PCDH15: variants seen among roughly 807,000 people sequenced by gnomAD.
The protein encoded by PCDH15 is protocadherin related 15, also known as protocadherin-15.
In PCDH15, 129 loss-of-function variants were observed where a neutral mutation model predicts 178.5. That is an observed-to-expected ratio of 0.72 (90% confidence interval 0.63 to 0.84). The LOEUF is 0.84. Ranked by LOEUF, PCDH15 falls within the 40% of genes least tolerant of loss-of-function variation. The pLI, the probability that PCDH15 is intolerant of heterozygous loss-of-function variation, is 0.00. For missense variants in PCDH15, 2,230 were observed against 2,099.9 expected (o/e 1.06, Z -1.21); for synonymous variants, 800 against 732.0 (o/e 1.09, Z -1.50).
chr10:54,339,366 A>C (rs1227214071), intron 6 of PCDH15, among the ~76,000 whole-genome samples: 6 of 130,284 alleles, frequency 4.6e-5, no homozygotes, highest in South Asian at 2.5e-4. Flanking sequence ...CATTAAACAA[A>C]AAAAAAAATC....
intron 25 of PCDH15, among the ~76,000 whole-genome samples, chr10:53,935,661 A>C (rs2085505493): frequency 6.6e-6 from 1 of 152,198 alleles, no homozygotes; most frequent in African/African-American, 2.4e-5. Context: ...TGACCCAGAA[A>C]ACTAAACATA....
At chr10:54,241,093 T>C (rs944015781) in intron 8 of PCDH15, among the ~76,000 whole-genome samples, 2 of 152,222 alleles carry the variant, frequency 1.3e-5, no homozygotes, top group Admixed American at 6.5e-5. Flanking sequence ...AAGAGATCAC[T>C]ACTCTCTGGT....
intron 2 of PCDH15, among the ~76,000 whole-genome samples, chr10:54,632,132 A>T (rs2093719062): frequency 6.6e-6 from 1 of 152,168 alleles, no homozygotes; most frequent in African/African-American, 2.4e-5. Flanking sequence ...CCCTTACAGC[A>T]ACATGGATGC....
chr10:55,209,814 A>C (rs1564894574), intron 1 of PCDH15, among the ~76,000 whole-genome samples: 1 of 152,112 alleles, frequency 6.6e-6, no homozygotes, highest in African/African-American at 2.4e-5. Context: ...TCTGGATATA[A>C]GCACTATGCT....
Position 55,423,252 on chromosome 10 carries a change from C to T in PCDH15, c.-156+204373G>A, listed in dbSNP as rs117767671. 7.3e-3 allele frequency among the ~76,000 whole-genome samples: 1,108 copies of T among 151,940 alleles called. 7 individuals carry two copies. The highest frequency in any genetic ancestry group is 0.013 in the Non-Finnish European group (882 of 67,866). ...AAATTAACACACTTTAAATGATTTA[C>T]TTGTTTAAAATGTAAAGGGAAGGAT... On this transcript the variant is annotated intron_variant, in intron 2 of 5. Coordinates refer to the PCDH15 transcript ENST00000613346.
chr10:54,569,469 G>A (rs1334925041), intron 2 of PCDH15, among the ~76,000 whole-genome samples: 1 of 152,098 alleles, frequency 6.6e-6, no homozygotes, highest in African/African-American at 2.4e-5. Context: ...TTTCCAAAAT[G>A]TTAAAATCAT....
chr10:54,195,213 T>A (rs2049483719), intron 11 of PCDH15, among the ~76,000 whole-genome samples: 1 of 152,154 alleles, frequency 6.6e-6, no homozygotes, highest in South Asian at 2.1e-4. Context: ...AGCGTAAGCA[T>A]CCACATAGTC....
At chr10:53,939,165 G>A (rs2085836667) in intron 24 of PCDH15, among the ~76,000 whole-genome samples, 1 of 152,088 alleles carries the variant, frequency 6.6e-6, no homozygotes, top group East Asian at 1.9e-4. Context: ...CCTTGAAATT[G>A]TAGGGTTTTT....
rs142592859 is a variant in PCDH15 at position 55,584,307 on chromosome 10, G to A, written c.-156+43318C>T. On this transcript the variant is annotated intron_variant, in intron 2 of 5. Coordinates refer to the PCDH15 transcript ENST00000613346. The stretch of plus-strand genomic sequence containing the variant: ...GAGAAAAATCACATAAGCCTAAATA[G>A]TATATGTAAAAAAGTGTCAGCATTG... Among the ~76,000 whole-genome samples the A allele has an allele frequency of 4.3e-3, 647 of 151,498 alleles. 5 individuals carry two copies. The highest frequency in any genetic ancestry group is 0.015 in the African/African-American group (616 of 41,284).
intron 11 of PCDH15, among the ~76,000 whole-genome samples, chr10:54,188,864 A>G (rs2133849691): frequency 6.6e-6 from 1 of 152,068 alleles, no homozygotes; most frequent in African/African-American, 2.4e-5. Context: ...GTGCACATAT[A>G]TATGTATGCA....
chr10:54,371,782 A>C (rs1196709230), intron 4 of PCDH15, among the ~76,000 whole-genome samples: 1 of 151,940 alleles, frequency 6.6e-6, no homozygotes, highest in Non-Finnish European at 1.5e-5. Flanking sequence ...ATGCCTTCGC[A>C]CTTCCAAATA....
chr10:54,764,770 A>G (rs986417843), intron 1 of PCDH15, among the ~76,000 whole-genome samples: 15 of 152,148 alleles, frequency 9.9e-5, no homozygotes, highest in Admixed American at 5.2e-4. Context: ...AGTGAAGACA[A>G]TGAATAGTTC....
intron 3 of PCDH15, among the ~76,000 whole-genome samples, chr10:54,868,221 A>G (rs1463440019): frequency 6.6e-6 from 1 of 152,204 alleles, no homozygotes; most frequent in East Asian, 1.9e-4. Context: ...CATGTTCCAC[A>G]AAGCTCATGT....
chr10:55,393,098 G>A (rs530644876), intron 2 of PCDH15, among the ~76,000 whole-genome samples: 222 of 151,806 alleles, frequency 1.5e-3, no homozygotes, highest in African/African-American at 5.1e-3. Flanking sequence ...CTTGAATACT[G>A]TTCTTAGCAT....
At chr10:55,045,076 C>A (rs2131981369) in intron 2 of PCDH15, among the ~76,000 whole-genome samples, 1 of 152,198 alleles carries the variant, frequency 6.6e-6, no homozygotes, top group South Asian at 2.1e-4. Context: ...TGGCATTTCT[C>A]TATTAGATGC....
intron 2 of PCDH15, among the ~76,000 whole-genome samples, chr10:55,138,390 C>A (rs1181347419): frequency 6.6e-6 from 1 of 152,078 alleles, no homozygotes; most frequent in African/African-American, 2.4e-5. Context: ...TAACAGGGGC[C>A]TTCTCTTCCC....
At chr10:54,019,335 T>C (rs1220357925) in intron 20 of PCDH15, among the ~76,000 whole-genome samples, 1 of 152,146 alleles carries the variant, frequency 6.6e-6, no homozygotes, top group African/African-American at 2.4e-5. Flanking sequence ...GATTTTTGTA[T>C]ATGTATCTTT....
intron 3 of PCDH15, among the ~76,000 whole-genome samples, chr10:54,825,502 T>G (rs1278328587): frequency 6.8e-6 from 1 of 147,482 alleles, no homozygotes; most frequent in Non-Finnish European, 1.5e-5. Flanking sequence ...AGTGTAAAAG[T>G]GTTCCTATTT....
intron 3 of PCDH15, among the ~76,000 whole-genome samples, chr10:54,491,036 A>G (rs2137122425): frequency 6.6e-6 from 1 of 152,250 alleles, no homozygotes; most frequent in East Asian, 1.9e-4. Context: ...AGCAAATGTG[A>G]ACTTTAGGAA....
Sources: gnomAD v4.1 joint callset for allele counts (sites outside exome capture counted in the v4.1 genomes callset) on GRCh38, gnomAD v4.1.1 for gene constraint, MANE v1.5 for transcripts, NCBI Gene and HGNC (gene_info 2026-07-23, HGNC 2026-07-21) for gene names.